LRP4: variants seen among roughly 807,000 people sequenced by gnomAD.
The protein encoded by LRP4 is LDL receptor related protein 4.
In LRP4, 95 loss-of-function variants were observed where a neutral mutation model predicts 220.3. That is an observed-to-expected ratio of 0.43 (90% CI 0.37 to 0.51). The LOEUF is 0.51. Ranked by LOEUF, LRP4 falls within the 20% of genes least tolerant of loss-of-function variation. The pLI, the probability that LRP4 is intolerant of heterozygous loss-of-function variation, is 0.00. For synonymous variants in LRP4, 903 were observed against 954.6 expected (o/e 0.95, Z 1.00); for missense variants, 1,925 against 2,567.0 (o/e 0.75, Z 5.40).
At chr11:46,888,352 G>A (rs1195843189) in intron 16 of LRP4, among the ~76,000 whole-genome samples, 11 of 150,452 alleles carry the variant, frequency 7.3e-5, no homozygotes, top group African/African-American at 2.7e-4. Context: ...TCAGGAGTTC[G>A]AGACCAGCCA....
chr11:46,870,769 ATCT>A (rs1307280713), intron 31 of LRP4, among the ~76,000 whole-genome samples: 2 of 152,200 alleles, frequency 1.3e-5, no homozygotes, highest in South Asian at 2.1e-4. Flanking sequence ...GGCTTGGTAG[ATCT>A]TCTTTTCCTG....
chr11:46,913,801 C>T (rs556342324), intron 1 of LRP4, among the ~76,000 whole-genome samples: 7 of 152,150 alleles, frequency 4.6e-5, no homozygotes, highest in African/African-American at 9.7e-5. Flanking sequence ...AGAACTAAGG[C>T]GACATGAGTT....
chr11:46,883,479 ATTTC>A (rs1243059486), intron 19 of LRP4, among the ~76,000 whole-genome samples: 2 of 152,186 alleles, frequency 1.3e-5, no homozygotes, highest in African/African-American at 4.8e-5. Flanking sequence ...AGCCCAACCT[ATTTC>A]TTTAATTCGG....
At chr11:46,901,295 G>A (rs759086616) in intron 2 of LRP4, among the ~76,000 whole-genome samples, 7 of 152,212 alleles carry the variant, frequency 4.6e-5, no homozygotes, top group South Asian at 2.1e-4. Flanking sequence ...AGAAAGAAGC[G>A]CCTTTTTCCC....
intron 3 of LRP4, 76 bp from the exon 4 acceptor site, chr11:46,900,052 G>T: frequency 8.1e-7 from 1 of 1,228,186 alleles, no homozygotes; most frequent in Non-Finnish European, 1.2e-6. Context: ...AAGCCCTCCG[G>T]AGCAGTCAAG....
chr11:46,885,077 C>T (rs1941255178), intron 18 of LRP4, among the ~76,000 whole-genome samples: 1 of 152,014 alleles, frequency 6.6e-6, no homozygotes, highest in African/African-American at 2.4e-5. Context: ...CCTTGAACTC[C>T]CGGATTCAAG....
intron 36 of LRP4, chr11:46,862,952 A>T (rs1448131181): frequency 1.7e-6 from 1 of 598,596 alleles, no homozygotes; most frequent in African/African-American, 1.9e-5. Flanking sequence ...TGCAAATGTG[A>T]TGGCTACTAG....
intron 36 of LRP4, among the ~76,000 whole-genome samples, chr11:46,863,474 A>G (rs1483829820): frequency 6.6e-6 from 1 of 151,564 alleles, no homozygotes; most frequent in Non-Finnish European, 1.5e-5. Context: ...GCGGTGGCTC[A>G]CACCTGTAAT....
intron 2 of LRP4, 66 bp downstream of exon 2, chr11:46,902,717 T>C: frequency 6.3e-7 from 1 of 1,588,212 alleles, no homozygotes; most frequent in Non-Finnish European, 8.6e-7. Flanking sequence ...TCCATCAGCC[T>C]TGTCCTTGCC....
At chr11:46,898,706 G>T in intron 6 of LRP4, 29 bp from the exon 7 acceptor site, 1 of 1,613,526 alleles carries the variant, frequency 6.2e-7, no homozygotes, top group Non-Finnish European at 8.5e-7. Context: ...TCTGTCTCTA[G>T]CCAGTCTGTG....
intron 1 of LRP4, among the ~76,000 whole-genome samples, chr11:46,908,121 G>A (rs991115147): frequency 7.2e-5 from 11 of 151,950 alleles, no homozygotes; most frequent in African/African-American, 1.2e-4. Context: ...TAGTAGAGAC[G>A]GGGATTCACC....
intron 37 of LRP4, 43 bp downstream of exon 37, chr11:46,862,563 C>T: frequency 6.2e-7 from 1 of 1,611,180 alleles, no homozygotes; most frequent in Non-Finnish European, 8.5e-7. Flanking sequence ...TCCCTCCCCA[C>T]ACCTCGCCAA....
intron 1 of LRP4, among the ~76,000 whole-genome samples, chr11:46,913,990 A>T (rs1941910306): frequency 6.6e-6 from 1 of 152,162 alleles, no homozygotes; most frequent in Non-Finnish European, 1.5e-5. Flanking sequence ...AGCACAGAAC[A>T]CGGTAGCATA....
At chr11:46,893,691 C>T (rs1592539596) in intron 12 of LRP4, among the ~76,000 whole-genome samples, 1 of 152,222 alleles carries the variant, frequency 6.6e-6, no homozygotes, top group South Asian at 2.1e-4. Context: ...CCTCCACCTC[C>T]TGGGTTCAAG....
chr11:46,905,259 G>A (rs1941740878), intron 1 of LRP4, among the ~76,000 whole-genome samples: 2 of 152,340 alleles, frequency 1.3e-5, no homozygotes, highest in Admixed American at 6.5e-5. Flanking sequence ...CACAGCCTGA[G>A]GAACTTCAGT....
chr11:46,876,351 G>C, intron 25 of LRP4, 115 bp downstream of exon 25: 2 of 1,188,402 alleles, frequency 1.7e-6, no homozygotes, highest in Non-Finnish European at 2.5e-6. Flanking sequence ...GAGCCCCAGG[G>C]AGGTCACCTT....
chr11:46,873,245 A>C lies in LRP4; in HGVS notation c.4449-11T>G. 2 of 1,614,180 alleles carry C rather than the reference A, an allele frequency of 1.2e-6. No homozygotes were observed. Among genetic ancestry groups the C allele is most frequent in the Non-Finnish European group, 1.7e-6 (2 of 1,180,030 alleles). On this transcript the variant is annotated splice_polypyrimidine_tract_variant and intron_variant, in intron 29 of 37. Coordinates refer to ENST00000378623, the MANE Select transcript of LRP4 (RefSeq NM_002334.4). The surrounding 1 kb of genome is among the most constrained non-coding windows in gnomAD (Gnocchi z 4.2). ...GTCCAGAAGAGGTACCTGAGACACA[A>C]CAGTGCCATCATCATCAAGGCATGG...
At chr11:46,912,614 T>C (rs1941880165) in intron 1 of LRP4, among the ~76,000 whole-genome samples, 1 of 152,336 alleles carries the variant, frequency 6.6e-6, no homozygotes, top group African/African-American at 2.4e-5. Flanking sequence ...TCCTCATCCA[T>C]GCCAGCGCGT....
Position 46,868,984 on chromosome 11 carries a change from C to T in LRP4, c.4837+4G>A, listed in dbSNP as rs1013238033. ...GGAAGCAGGCTCAGTACCCGGGAGC[C>T]CACCTGTCTGCCGCTGAGGGGAAAC... is the stretch of plus-strand genomic sequence containing the variant. On this transcript the variant is annotated splice_donor_region_variant and intron_variant, in intron 32 of 37. Transcript: ENST00000378623. 2 of 1,614,140 alleles carry T rather than the reference C, an allele frequency of 1.2e-6. No homozygotes were observed. The highest frequency in any genetic ancestry group is 8.5e-7 in the Non-Finnish European group (1 of 1,180,022).
Sources: gnomAD v4.1 joint callset for allele counts (sites outside exome capture counted in the v4.1 genomes callset) on GRCh38, gnomAD v4.1.1 for gene constraint, Gnocchi (gnomAD v3.1) non-coding constraint, MANE v1.5 for transcripts, NCBI Gene and HGNC (gene_info 2026-07-23, HGNC 2026-07-21) for gene names.